NRG3: variants seen among roughly 807,000 people sequenced by gnomAD.
The protein encoded by NRG3 is neuregulin 3.
In NRG3, 31 loss-of-function variants were observed where a neutral mutation model predicts 66.9. That is an observed-to-expected ratio of 0.46 (90% CI 0.35 to 0.63). The LOEUF (loss-of-function observed/expected upper bound fraction) is 0.63, where lower values mean the gene tolerates loss of function less well. Among genes scored for constraint, NRG3 ranks in the 20% least tolerant of loss-of-function variants. NRG3 has a pLI of 0.00. For synonymous variants in NRG3, 393 were observed against 359.4 expected, an observed-to-expected ratio of 1.09 and a Z score of -1.06; for missense variants, 910 against 878.9, an observed-to-expected ratio of 1.04 and a Z score of -0.45.
chr10:81,877,887 C>T, intron 1 of NRG3: 1 of 1,533,070 alleles, frequency 6.5e-7, no homozygotes, highest in South Asian at 1.2e-5. Context: ...TGAACATATT[C>T]AATGGATTGA....
At chr10:82,080,738 A>ATATAACATT (rs1303082945) in intron 1 of NRG3, among the ~76,000 whole-genome samples, 2 of 152,226 alleles carry the variant, frequency 1.3e-5, no homozygotes, top group Non-Finnish European at 2.9e-5. Context: ...GGTAAAATAT[A>ATATAACATT]TATAACATTT....
At chr10:82,058,229 G>A (rs1220289620) in intron 1 of NRG3, among the ~76,000 whole-genome samples, 1 of 151,742 alleles carries the variant, frequency 6.6e-6, no homozygotes, top group African/African-American at 2.4e-5. Flanking sequence ...GCCATACATA[G>A]CAAGTTATTT....
chr10:82,283,564 C>T (rs1472648382), intron 1 of NRG3, among the ~76,000 whole-genome samples: 1 of 152,082 alleles, frequency 6.6e-6, no homozygotes, highest in Non-Finnish European at 1.5e-5. Flanking sequence ...CCTATAGTAT[C>T]CAACATTCTA....
intron 1 of NRG3, among the ~76,000 whole-genome samples, chr10:81,931,995 G>A (rs1367632034): frequency 6.6e-6 from 1 of 152,090 alleles, no homozygotes; most frequent in Non-Finnish European, 1.5e-5. Flanking sequence ...CCTGAGACTG[G>A]CTAATTTATA....
intron 1 of NRG3, among the ~76,000 whole-genome samples, chr10:82,319,550 C>T (rs2081457927): frequency 6.6e-6 from 1 of 152,144 alleles, no homozygotes; most frequent in African/African-American, 2.4e-5. Context: ...CTTTGAATGC[C>T]TAATTCTGAG....
chr10:82,396,156 T>G (rs1278443950), intron 2 of NRG3, among the ~76,000 whole-genome samples: 1 of 152,186 alleles, frequency 6.6e-6, no homozygotes, highest in East Asian at 1.9e-4. Context: ...TTTGAGATTT[T>G]CATGGTGTGA....
intron 3 of NRG3, among the ~76,000 whole-genome samples, chr10:82,752,205 A>T (rs1414336): frequency 0.11 from 16,026 of 152,174 alleles, 2,641 homozygotes; most frequent in African/African-American, 0.35. Flanking sequence ...TATTTTAAAA[A>T]CCTATTTTAA....
intron 3 of NRG3, among the ~76,000 whole-genome samples, chr10:82,805,722 G>A (rs1311637017): frequency 1.3e-5 from 2 of 152,184 alleles, no homozygotes; most frequent in African/African-American, 4.8e-5. Context: ...CCAAGGAGAT[G>A]TTCCTGATGA....
At chr10:82,631,481 A>G (rs1256076203) in intron 2 of NRG3, among the ~76,000 whole-genome samples, 2 of 152,148 alleles carry the variant, frequency 1.3e-5, no homozygotes, top group African/African-American at 2.4e-5. Context: ...GAAAGTAATG[A>G]TAAAATTTAC....
Position 82,427,640 on chromosome 10 carries a change from G to A in NRG3, c.953+68772G>A, listed in dbSNP as rs191680850. Among the ~76,000 whole-genome samples, 94 of 152,182 alleles carry A rather than the reference G, an allele frequency of 6.2e-4. 1 individual carries two copies. The highest frequency in any genetic ancestry group is 8.5e-4 in the Non-Finnish European group (58 of 67,952). ...CTATGTTCAGAAGGAATATTGGTTC[G>A]TAGCTTTGTGTTCATGTTTGTTTTG... On this transcript the variant is annotated intron_variant, in intron 2 of 8. Coordinates refer to ENST00000372141, the MANE Select transcript of NRG3 (RefSeq NM_001010848.4).
chr10:82,866,591 A>G (rs1840764780), intron 4 of NRG3, among the ~76,000 whole-genome samples: 1 of 152,158 alleles, frequency 6.6e-6, no homozygotes, highest in South Asian at 2.1e-4. Flanking sequence ...TGTTGGATAG[A>G]TGTGATGAAA....
chr10:82,628,467 G>C (rs1028277081), intron 2 of NRG3, among the ~76,000 whole-genome samples: 11 of 152,102 alleles, frequency 7.2e-5, no homozygotes, highest in African/African-American at 2.4e-5. Context: ...CCATCCCATG[G>C]AACTAGAAGC....
In NRG3 at chr10:81,998,784, T is replaced by C. The variant is rs143245461; in HGVS notation, c.823+122621T>C. Among the ~76,000 whole-genome samples the C allele has an allele frequency of 2.2e-3, 335 of 152,312 alleles. 1 individual carries two copies. The highest frequency in any genetic ancestry group is 0.01 in the Middle Eastern group (3 of 294). ...GATAAGCATATATCTTAAGTAGGGC[T>C]TCCCTTTTACCTGTAAACATCCTCA... On this transcript the variant is annotated intron_variant, in intron 1 of 8. Transcript: ENST00000372141.
chr10:82,682,200 ATTGT>A (rs1470803692), intron 2 of NRG3, among the ~76,000 whole-genome samples: 1 of 152,150 alleles, frequency 6.6e-6, no homozygotes, highest in Non-Finnish European at 1.5e-5. Context: ...CTCACTATTT[ATTGT>A]TTATCAGGTA....
intron 1 of NRG3, among the ~76,000 whole-genome samples, chr10:82,099,363 A>T (rs761186775): frequency 6.6e-6 from 1 of 152,274 alleles, no homozygotes; most frequent in South Asian, 2.1e-4. Context: ...TCACTTGAAC[A>T]TATATATGTG....
At chr10:82,363,288 T>C (rs1337135046) in intron 2 of NRG3, among the ~76,000 whole-genome samples, 1 of 152,168 alleles carries the variant, frequency 6.6e-6, no homozygotes, top group African/African-American at 2.4e-5. Flanking sequence ...TTTTTTCCTA[T>C]CCTTTATTTA....
At chr10:82,452,100 G>C (rs997414352) in intron 2 of NRG3, among the ~76,000 whole-genome samples, 1 of 152,154 alleles carries the variant, frequency 6.6e-6, no homozygotes, top group African/African-American at 2.4e-5. Context: ...AAGCTGAGTT[G>C]TTATCTTAGC....
intron 2 of NRG3, among the ~76,000 whole-genome samples, chr10:82,458,259 G>C (rs546179812): frequency 2.6e-5 from 4 of 152,200 alleles, no homozygotes; most frequent in African/African-American, 9.7e-5. Flanking sequence ...GGGTATATAA[G>C]TTCCTTGGAG....
chr10:82,165,327 C>T lies in NRG3; in HGVS notation c.824-193412C>T, dbSNP rs568494320. Among the ~76,000 whole-genome samples the T allele has an allele frequency of 1.4e-4, 21 of 151,796 alleles. No homozygotes were observed. In the South Asian group the frequency reaches 4.4e-3, roughly 32 times the overall value. The stretch of plus-strand genomic sequence containing the variant: ...TATCAGACACCTAATGATGGATGCT[C>T]AATAATTATTTATTTGCAGACTGAT... On this transcript the variant is annotated intron_variant, in intron 1 of 8. Coordinates refer to ENST00000372141, the MANE Select transcript of NRG3 (RefSeq NM_001010848.4).
Sources: allele counts gnomAD v4.1 joint callset (sites outside exome capture counted in the v4.1 genomes callset), GRCh38; gene constraint gnomAD v4.1.1; transcripts MANE v1.5; gene names NCBI Gene and HGNC (gene_info 2026-07-23, HGNC 2026-07-21).